The following NUMB variants were observed in gnomAD, a reference collection of about 807,000 sequenced individuals.
NUMB encodes the protein NUMB endocytic adaptor protein.
A neutral mutation model predicts 59.7 loss-of-function variants in NUMB; 29 were observed. The observed-to-expected ratio is 0.49, with a 90% CI of 0.36 to 0.66. The LOEUF (loss-of-function observed/expected upper bound fraction) is 0.66, where lower values mean the gene tolerates loss of function less well. Among genes scored for constraint, NUMB ranks in the 30% least tolerant of loss-of-function variants. The pLI is 0.00. For missense variants in NUMB, 723 were observed against 822.0 expected (o/e 0.88, Z 1.47); for synonymous variants, 288 against 288.2 (o/e 1.00, Z 0.01).
intron 2 of NUMB, among the ~76,000 whole-genome samples, chr14:73,369,276 C>T (rs1223167490): frequency 6.6e-6 from 1 of 152,010 alleles, no homozygotes. Flanking sequence ...CTCCTGACCT[C>T]GTGATCCACC....
rs1451942299 is a variant in NUMB at position 73,323,158 on chromosome 14, C to G, written c.173G>C (p.Cys58Ser). Residue 58 changes from cysteine (C) to serine (S), a missense_variant, in exon 5 of 13, where the codon TGT (cysteine) becomes TCT (serine). Cys to Ser is a moderately radical substitution (Grantham distance 112, BLOSUM62 -1). Transcript: ENST00000555238. ...EVDESRGMHICEDAVKRLKAE... is the reference protein window; with the variant it reads ...EVDESRGMHISEDAVKRLKAE... ...TTTCAATCTTTTTACAGCATCTTCA[C>G]AGATGTGCATTCCTCTTGATTCATC... is the stretch of plus-strand genomic sequence containing the variant. 1 of 1,613,466 alleles carries G rather than the reference C, an allele frequency of 6.2e-7. No individual in the cohort carries two copies. The highest frequency in any genetic ancestry group is 8.5e-7 in the Non-Finnish European group (1 of 1,179,602).
At chr14:73,334,316 C>G (rs1037574997) in intron 4 of NUMB, among the ~76,000 whole-genome samples, 1 of 152,182 alleles carries the variant, frequency 6.6e-6, no homozygotes, top group African/African-American at 2.4e-5. Context: ...TATTCATCAG[C>G]AGAACTGCTC....
At chr14:73,395,745 T>A (rs1053726033) in intron 2 of NUMB, among the ~76,000 whole-genome samples, 2 of 152,224 alleles carry the variant, frequency 1.3e-5, no homozygotes, top group African/African-American at 4.8e-5. Flanking sequence ...AAAGTAGGTA[T>A]TCATATGTAT....
intron 11 of NUMB, 31 bp downstream of exon 11, chr14:73,282,327 GA>G (rs1394633813): frequency 4.3e-6 from 7 of 1,610,770 alleles, no homozygotes; most frequent in Non-Finnish European, 5.9e-6. Context: ...TGGTTGTAAA[GA>G]GAACAGCTGA....
chr14:73,304,880 C>T (rs991969327), intron 6 of NUMB, among the ~76,000 whole-genome samples: 21 of 152,056 alleles, frequency 1.4e-4, no homozygotes, highest in African/African-American at 4.6e-4. Context: ...CCTGCCTCAG[C>T]CTCTCAAATG....
intron 2 of NUMB, among the ~76,000 whole-genome samples, chr14:73,380,782 T>A: frequency 6.6e-6 from 1 of 150,820 alleles, no homozygotes; most frequent in East Asian, 2.0e-4. Flanking sequence ...TGGAGTGCTG[T>A]GGCACGATCT....
chr14:73,392,161 T>C (rs1393290236), intron 2 of NUMB, among the ~76,000 whole-genome samples: 2 of 152,190 alleles, frequency 1.3e-5, no homozygotes, highest in Non-Finnish European at 2.9e-5. Flanking sequence ...AAAGCTCATC[T>C]CAGGAGAAGT....
In NUMB at chr14:73,276,799, G is replaced by A. The variant is rs1216033007; in HGVS notation, c.1735C>T (p.Pro579Ser). The change falls in exon 13 of 13, where the codon CCT becomes TCT. Residue 579 changes from proline to serine, a missense_variant. Transcript: ENST00000555238. ...SATTSPFFKPPAQHLNGSAAF... is the reference protein window; with the variant it reads ...SATTSPFFKPSAQHLNGSAAF... ...GCAGAACCGTTGAGGTGCTGAGCAG[G>A]AGGCTTAAAGAAGGGACTGGTGGTA... The A allele has an allele frequency of 1.2e-6, 2 of 1,614,188 alleles. No homozygotes were observed. Among genetic ancestry groups the A allele is most frequent in the East Asian group, 2.2e-5 (1 of 44,882 alleles).
chr14:73,411,108 T>C (rs916561067), intron 1 of NUMB, among the ~76,000 whole-genome samples: 1 of 151,982 alleles, frequency 6.6e-6, no homozygotes, highest in Non-Finnish European at 1.5e-5. Flanking sequence ...CTCGGCTCAC[T>C]GCAGCCTCAA....
intron 2 of NUMB, among the ~76,000 whole-genome samples, chr14:73,383,585 G>C (rs1895354566): frequency 2.0e-5 from 3 of 152,128 alleles, no homozygotes; most frequent in African/African-American, 7.2e-5. Context: ...CCTGACAAAA[G>C]ACATCAAGCT....
intron 4 of NUMB, among the ~76,000 whole-genome samples, chr14:73,351,975 C>CA (rs1893312198): frequency 6.7e-6 from 1 of 148,560 alleles, no homozygotes; most frequent in Non-Finnish European, 1.5e-5. Flanking sequence ...GACTCTGTCT[C>CA]AAAAAATAAA....
At chr14:73,349,404 A>G (rs1403974120) in intron 4 of NUMB, among the ~76,000 whole-genome samples, 1 of 152,062 alleles carries the variant, frequency 6.6e-6, no homozygotes, top group Non-Finnish European at 1.5e-5. Flanking sequence ...CCTGGCCAAC[A>G]TGGTGAAACC....
chr14:73,435,468 G>A (rs1898013920), intron 1 of NUMB, among the ~76,000 whole-genome samples: 1 of 151,232 alleles, frequency 6.6e-6, no homozygotes, highest in African/African-American at 2.4e-5. Flanking sequence ...TACAGACGGG[G>A]TTTAACCGTG....
At chr14:73,394,180 C>A (rs958055948) in intron 2 of NUMB, among the ~76,000 whole-genome samples, 12 of 152,088 alleles carry the variant, frequency 7.9e-5, no homozygotes, top group African/African-American at 2.4e-4. Context: ...GTCTCGAACT[C>A]GTGACCTCAG....
chr14:73,443,463 C>T (rs927132100), intron 1 of NUMB, among the ~76,000 whole-genome samples: 2 of 151,732 alleles, frequency 1.3e-5, no homozygotes, highest in Non-Finnish European at 2.9e-5. Flanking sequence ...GGCGTGGTGG[C>T]GCACGCCTGT....
Position 73,454,759 on chromosome 14 carries a change from A to G in NUMB, c.-233+3734T>C, listed in dbSNP as rs142334356. Among the ~76,000 whole-genome samples, 851 of 152,320 alleles carry G rather than the reference A, an allele frequency of 5.6e-3. 8 individuals carry two copies. Among genetic ancestry groups the G allele is most frequent in the Middle Eastern group, 0.014 (4 of 294 alleles). The stretch of plus-strand genomic sequence containing the variant: ...TTTGGGCAATCAAAGCTATTCCTAG[A>G]TAAGTATAATCAGATGAATAATAAG... On this transcript the variant is annotated intron_variant, in intron 1 of 12. Transcript: ENST00000555238.
At chr14:73,302,126 C>T (rs1890172509) in intron 6 of NUMB, among the ~76,000 whole-genome samples, 1 of 151,794 alleles carries the variant, frequency 6.6e-6, no homozygotes, top group Admixed American at 6.6e-5. Flanking sequence ...TTGAGATAGG[C>T]CTTAATAATT....
intron 4 of NUMB, among the ~76,000 whole-genome samples, chr14:73,330,153 C>T (rs1891883866): frequency 1.3e-5 from 2 of 152,124 alleles, no homozygotes; most frequent in Admixed American, 6.6e-5. Context: ...ACCTCAGCCC[C>T]CAAAGAGCTG....
At chr14:73,434,879 ATCT>A in intron 1 of NUMB, among the ~76,000 whole-genome samples, 1 of 152,342 alleles carries the variant, frequency 6.6e-6, no homozygotes, top group Non-Finnish European at 1.5e-5. Context: ...GTTCTGAGAA[ATCT>A]TCTATTTGGA....
Sources: gnomAD v4.1 joint callset for allele counts (sites outside exome capture counted in the v4.1 genomes callset) on GRCh38, gnomAD v4.1.1 for gene constraint, MANE v1.5 for transcripts, NCBI Gene and HGNC (gene_info 2026-07-23, HGNC 2026-07-21) for gene names.